The following CHST12 variants were observed in gnomAD, a reference collection of about 807,000 sequenced individuals.
The protein encoded by CHST12 is carbohydrate (chondroitin 4) sulfotransferase 12.
Under a neutral mutation model 27.9 loss-of-function variants are expected in CHST12, and 23 were observed. That is an observed-to-expected ratio of 0.82 (90% confidence interval 0.59 to 1.17). The LOEUF (loss-of-function observed/expected upper bound fraction) is 1.17. Among genes scored for constraint, CHST12 ranks in the 50% most tolerant of loss-of-function variants. The probability of loss-of-function intolerance (pLI) is 0.00; values close to 1 mark genes in which losing one functional copy is unlikely to be tolerated. For synonymous variants in CHST12, 322 were observed against 273.0 expected, an observed-to-expected ratio of 1.18 and a Z score of -1.77; for missense variants, 682 against 603.0, an observed-to-expected ratio of 1.13 and a Z score of -1.37.
At chr7:2,425,781 T>A (rs989664219) in intron 1 of CHST12, among the ~76,000 whole-genome samples, 1 of 152,142 alleles carries the variant, frequency 6.6e-6, no homozygotes, top group Admixed American at 6.6e-5. Flanking sequence ...ATTTGATCTT[T>A]ATTTTTTTGG....
Position 2,430,233 on chromosome 7 carries a change from C to T in CHST12, c.-77-2330C>T, listed in dbSNP as rs6947585. On this transcript the variant is annotated intron_variant, in intron 1 of 1. Transcript: ENST00000618655. ...CCAGGAATTTGTGTTTGTGGATTTT[C>T]CTGTTGTCTTTTCTGTTATTGATTT... is the stretch of plus-strand genomic sequence containing the variant. 2.5e-3 allele frequency among the ~76,000 whole-genome samples: 374 copies of T among 152,034 alleles called. 1 individual carries two copies. The highest frequency in any genetic ancestry group is 8.4e-3 in the African/African-American group (347 of 41,468).
At chr7:2,424,131 A>C (rs905559784) in intron 1 of CHST12, among the ~76,000 whole-genome samples, 5 of 152,122 alleles carry the variant, frequency 3.3e-5, no homozygotes, top group Non-Finnish European at 7.4e-5. Context: ...TGGTGGGAGG[A>C]TCACCTGATC....
At chr7:2,417,754 G>C (rs1781848423) in intron 1 of CHST12, among the ~76,000 whole-genome samples, 2 of 152,052 alleles carry the variant, frequency 1.3e-5, no homozygotes, top group African/African-American at 2.4e-5. Context: ...CATACTGGGA[G>C]GGCATCCGAT....
Position 2,432,826 on chromosome 7 carries a change from G to A in CHST12, c.187G>A (p.Asp63Asn). The stretch of plus-strand genomic sequence containing the variant: ...GGACAGGGACAGGGAGCTCACGGCC[G>A]ACTCCGATGTCGACGAGTTTCTGGA... ...GPDRDRELTADSDVDEFLDKF... is the reference protein window; with the variant it reads ...GPDRDRELTANSDVDEFLDKF... The change falls in exon 2 of 2, where the codon GAC becomes AAC. Residue 63 changes from aspartate (D) to asparagine (N), a missense_variant. Physicochemically the swap from Asp to Asn is conservative, Grantham distance 23 (BLOSUM62 1). Coordinates refer to ENST00000618655, the MANE Select transcript of CHST12 (RefSeq NM_018641.5). 6.2e-7 allele frequency: 1 copy of A among 1,613,874 alleles called. No individual in the cohort carries two copies. The highest frequency in any genetic ancestry group is 1.1e-5 in the South Asian group (1 of 91,084).
At chr7:2,423,441 G>A (rs116926347) in intron 1 of CHST12, among the ~76,000 whole-genome samples, 9 of 152,136 alleles carry the variant, frequency 5.9e-5, no homozygotes, top group East Asian at 3.9e-4. Context: ...AGACAGCAGC[G>A]GGGGCCGTGG....
chr7:2,424,508 C>G (rs969298580), intron 1 of CHST12, among the ~76,000 whole-genome samples: 1 of 152,108 alleles, frequency 6.6e-6, no homozygotes, highest in Non-Finnish European at 1.5e-5. Flanking sequence ...AGATAGACTC[C>G]GAGAAGCTTA....
At chr7:2,431,424 G>A (rs1036097900) in intron 1 of CHST12, among the ~76,000 whole-genome samples, 2 of 152,220 alleles carry the variant, frequency 1.3e-5, no homozygotes, top group Non-Finnish European at 2.9e-5. Context: ...CATGTCATGG[G>A]TGCCAGATAG....
chr7:2,440,901 G>C lies in CHST12; in HGVS notation c.*7017G>C, dbSNP rs184806922. On this transcript the variant is annotated 3_prime_UTR_variant, in exon 2 of 2. Transcript: ENST00000618655. ...ACCTCGTGAGTGGTCATAAGTTAGC[G>C]TGTCTAAATGCACTTTGAAATCCTA... The C allele has an allele frequency of 2.0e-5, 3 of 152,156 alleles. No homozygotes were observed. The highest frequency in any genetic ancestry group is 4.4e-5 in the Non-Finnish European group (3 of 68,044). The allele number at this position is 152,156 out of a possible 1,614,324, so 9.4% of individuals were successfully genotyped here. A position where few individuals can be genotyped will look rare whatever the true frequency, so the allele number is the denominator to read the frequency against.
In CHST12 at chr7:2,438,120, G is replaced by A. The variant is rs1002775669; in HGVS notation, c.*4236G>A. 1 of 152,322 alleles carries A rather than the reference G, an allele frequency of 6.6e-6. No homozygotes were observed. The highest frequency in any genetic ancestry group is 6.5e-5 in the Admixed American group (1 of 15,284). The allele number at this position is 152,322 out of a possible 1,614,324, so 9.4% of individuals were successfully genotyped here. A position where few individuals can be genotyped will look rare whatever the true frequency, so the allele number is the denominator to read the frequency against. On this transcript the variant is annotated 3_prime_UTR_variant, in exon 2 of 2. Coordinates refer to ENST00000618655, the MANE Select transcript of CHST12 (RefSeq NM_018641.5). ...TGGTCTGCTTCCTGGTGCAGACCAG[G>A]TCTCCCCAGAGGGACCCTCCTGAGC...
At position 2,441,381 on chromosome 7, in the gene CHST12, C is replaced by T. The variant is rs762432727; in HGVS notation, c.*7497C>T. The stretch of plus-strand genomic sequence containing the variant: ...ATAGGAACCTTAAAAATGCTTTCTT[C>T]ACTCGTTTAAATAGTAATGATAAGA... On this transcript the variant is annotated 3_prime_UTR_variant, in exon 2 of 2. Coordinates refer to ENST00000618655, the MANE Select transcript of CHST12 (RefSeq NM_018641.5). 1 of 152,130 alleles carries T rather than the reference C, an allele frequency of 6.6e-6. No homozygotes were observed. Among genetic ancestry groups the T allele is most frequent in the Non-Finnish European group, 1.5e-5 (1 of 68,012 alleles). The allele number at this position is 152,130 out of a possible 1,614,324, so 9.4% of individuals were successfully genotyped here. A position where few individuals can be genotyped will look rare whatever the true frequency, so the allele number is the denominator to read the frequency against.
chr7:2,431,138 T>C (rs1782259771), intron 1 of CHST12, among the ~76,000 whole-genome samples: 1 of 152,234 alleles, frequency 6.6e-6, no homozygotes, highest in Non-Finnish European at 1.5e-5. Context: ...CCTTTAGCTC[T>C]ATCGATTTTT....
chr7:2,408,435 G>C (rs1194552237), intron 1 of CHST12, among the ~76,000 whole-genome samples: 1 of 147,894 alleles, frequency 6.8e-6, no homozygotes, highest in African/African-American at 2.5e-5. Flanking sequence ...TGAAATCTCA[G>C]AACAAGAGGA....
rs1782587109 is a variant in CHST12, at chr7:2,440,893, A to G, written c.*7009A>G. On this transcript the variant is annotated 3_prime_UTR_variant, in exon 2 of 2. Coordinates refer to ENST00000618655, the MANE Select transcript of CHST12 (RefSeq NM_018641.5). ...AAGTTACCACCTCGTGAGTGGTCAT[A>G]AGTTAGCGTGTCTAAATGCACTTTG... 6.6e-6 allele frequency: 1 copy of G among 152,128 alleles called. No homozygotes were observed. The highest frequency in any genetic ancestry group is 2.4e-5 in the African/African-American group (1 of 41,412). The allele number at this position is 152,128 out of a possible 1,614,324, so 9.4% of individuals were successfully genotyped here. A position where few individuals can be genotyped will look rare whatever the true frequency, so the allele number is the denominator to read the frequency against.
chr7:2,407,413 C>T (rs1781551963), intron 1 of CHST12, among the ~76,000 whole-genome samples: 1 of 151,872 alleles, frequency 6.6e-6, no homozygotes, highest in Non-Finnish European at 1.5e-5. Context: ...ATGCCACTGC[C>T]ATCCAGCCTG....
chr7:2,430,685 C>G (rs10215412), intron 1 of CHST12, among the ~76,000 whole-genome samples: 24,151 of 151,920 alleles, frequency 0.16, 2,138 homozygotes, highest in African/African-American at 0.25. Context: ...CTCCTGATCT[C>G]AAGTGATCCA....
chr7:2,410,771 C>T (rs911547671), intron 1 of CHST12, among the ~76,000 whole-genome samples: 1 of 152,056 alleles, frequency 6.6e-6, no homozygotes, highest in African/African-American at 2.4e-5. Flanking sequence ...ACTGTTGAGG[C>T]TGGAGAGGGT....
chr7:2,423,401 C>A (rs1782026656), intron 1 of CHST12, among the ~76,000 whole-genome samples: 1 of 152,146 alleles, frequency 6.6e-6, no homozygotes, highest in Non-Finnish European at 1.5e-5. Context: ...ACTGGGAGGG[C>A]AGGTGAGGAA....
At chr7:2,421,031 CAT>C (rs1357540183) in intron 1 of CHST12, among the ~76,000 whole-genome samples, 1 of 151,422 alleles carries the variant, frequency 6.6e-6, no homozygotes, top group Non-Finnish European at 1.5e-5. Flanking sequence ...CCTGGCCCCT[CAT>C]ATGGTAATTT....
In CHST12 at chr7:2,442,655, G is replaced by A. The variant is rs117162459; in HGVS notation, c.*8771G>A. ...TGGGATTACAGGCATGAGACACCAC[G>A]CCCCGCCGAGTCCCTGCTTTTAATT... On this transcript the variant is annotated 3_prime_UTR_variant, in exon 2 of 2. Coordinates refer to ENST00000618655, the MANE Select transcript of CHST12 (RefSeq NM_018641.5). 0.032 allele frequency: 4,897 copies of A among 152,318 alleles called. 144 individuals carry two copies. The highest frequency in any genetic ancestry group is 0.076 in the South Asian group (366 of 4,826). The allele number at this position is 152,318 out of a possible 1,614,324, so 9.4% of individuals were successfully genotyped here. A position where few individuals can be genotyped will look rare whatever the true frequency, so the allele number is the denominator to read the frequency against.
Sources: gnomAD v4.1 joint callset for allele counts (sites outside exome capture counted in the v4.1 genomes callset) on GRCh38, gnomAD v4.1.1 for gene constraint, MANE v1.5 for transcripts, NCBI Gene and HGNC (gene_info 2026-07-23, HGNC 2026-07-21) for gene names.